Variants in RALGPS1 observed in about 807,000 individuals in gnomAD.
RALGPS1 encodes Ral GEF with PH domain and SH3 binding motif 1.
A neutral mutation model predicts 78.8 loss-of-function variants in RALGPS1; 19 were observed. That is an observed-to-expected ratio of 0.24 (90% CI 0.17 to 0.35). The LOEUF (loss-of-function observed/expected upper bound fraction) is 0.35. Among genes scored for constraint, RALGPS1 ranks in the 10% least tolerant of loss-of-function variants. The probability of loss-of-function intolerance (pLI) is 1.00; values close to 1 mark genes in which losing one functional copy is unlikely to be tolerated. For missense variants in RALGPS1, 454 were observed against 688.3 expected (o/e 0.66, Z 3.81); for synonymous variants, 228 against 256.3 (o/e 0.89, Z 1.06).
intron 11 of RALGPS1, among the ~76,000 whole-genome samples, chr9:127,182,330 CTGCCTTCCT>C: frequency 6.6e-6 from 1 of 150,742 alleles, no homozygotes; most frequent in South Asian, 2.1e-4. Context: ...TCCTTCCTTC[CTGCCTTCCT>C]TCCTTCCTTC....
intron 8 of RALGPS1, among the ~76,000 whole-genome samples, chr9:127,128,513 T>C (rs576096801): frequency 3.5e-4 from 53 of 152,334 alleles, no homozygotes; most frequent in African/African-American, 1.2e-3. Flanking sequence ...GGCCTGTGGC[T>C]GAGGAGCCAA....
chr9:126,970,311 A>T (rs1164806591), intron 3 of RALGPS1, among the ~76,000 whole-genome samples: 1 of 152,236 alleles, frequency 6.6e-6, no homozygotes, highest in African/African-American at 2.4e-5. Context: ...GTAGAGGAGA[A>T]AGCAGAATAA....
intron 3 of RALGPS1, among the ~76,000 whole-genome samples, chr9:126,975,519 T>G (rs1221802933): frequency 6.6e-6 from 1 of 152,118 alleles, no homozygotes; most frequent in Admixed American, 6.5e-5. Context: ...GCAGGGGAGA[T>G]TTCCAAGGTC....
At chr9:126,916,612 C>T (rs1240033592) in intron 1 of RALGPS1, among the ~76,000 whole-genome samples, 1 of 152,166 alleles carries the variant, frequency 6.6e-6, no homozygotes, top group Non-Finnish European at 1.5e-5. Context: ...GAAACCCCCT[C>T]TCTACTAAAA....
intron 14 of RALGPS1, among the ~76,000 whole-genome samples, chr9:127,207,499 AAAACAAAC>A (rs369601624): frequency 1.3e-5 from 2 of 152,188 alleles, no homozygotes; most frequent in African/African-American, 2.4e-5. Flanking sequence ...CAGTTACCAA[AAAACAAAC>A]AAACAAACAA....
intron 4 of RALGPS1, among the ~76,000 whole-genome samples, chr9:127,002,715 C>T (rs12337338): frequency 0.082 from 12,318 of 150,458 alleles, 1,684 homozygotes; most frequent in African/African-American, 0.28. Context: ...TTTGTTCTTG[C>T]GATAGTTTAC....
At chr9:127,110,593 G>A (rs1003667472) in intron 8 of RALGPS1, among the ~76,000 whole-genome samples, 2 of 152,050 alleles carry the variant, frequency 1.3e-5, no homozygotes, top group African/African-American at 4.8e-5. Flanking sequence ...ATTTCCACTT[G>A]ACTATCTGCT....
At chr9:127,070,728 TAAC>T (rs1263120997) in intron 8 of RALGPS1, among the ~76,000 whole-genome samples, 1 of 152,144 alleles carries the variant, frequency 6.6e-6, no homozygotes, top group African/African-American at 2.4e-5. Context: ...ATAATTCTAA[TAAC>T]AAGGGAAACC....
chr9:127,019,032 C>T (rs1196197699), intron 4 of RALGPS1, among the ~76,000 whole-genome samples: 1 of 152,190 alleles, frequency 6.6e-6, no homozygotes, highest in African/African-American at 2.4e-5. Context: ...TTTTTTAAAA[C>T]ATGGTATTTG....
intron 4 of RALGPS1, among the ~76,000 whole-genome samples, chr9:126,982,893 TCTCTTCTTTTC>T (rs2041410285): frequency 6.9e-6 from 1 of 144,374 alleles, no homozygotes; most frequent in African/African-American, 2.5e-5. Flanking sequence ...TTCCCCTTCT[TCTCTTCTTTTC>T]TTCTTCTTCT....
rs376004322 is a variant in RALGPS1 at position 127,206,879 on chromosome 9, G to A, written c.1248-5252G>A. ...AATTCTCATGATGCTGTTGGCTCAG[G>A]AAGTGCCCTGGCCACTTCCACCTCA... On this transcript the variant is annotated intron_variant, in intron 14 of 18. Transcript: ENST00000259351. 4.8e-4 allele frequency among the ~76,000 whole-genome samples: 73 copies of A among 152,164 alleles called. 3 individuals are homozygous for A. In the South Asian group the frequency reaches 0.015, roughly 32 times the overall value.
chr9:127,132,873 C>T (rs2057102846), intron 8 of RALGPS1, among the ~76,000 whole-genome samples: 1 of 152,234 alleles, frequency 6.6e-6, no homozygotes, highest in Admixed American at 6.5e-5. Flanking sequence ...TCTTCATCCT[C>T]ATCCTCACCC....
At chr9:126,958,142 A>AAAAAAAAAAATATATATATATAT (rs113413659) in intron 1 of RALGPS1, among the ~76,000 whole-genome samples, 1 of 77,102 alleles carries the variant, frequency 1.3e-5, no homozygotes, top group South Asian at 5.2e-4. Flanking sequence ...AAAAAAAAAA[A>AAAAAAAAAAATATATATATATAT]ATATATATAT....
chr9:127,093,898 C>T, intron 8 of RALGPS1: 1 of 1,614,022 alleles, frequency 6.2e-7, no homozygotes, highest in Non-Finnish European at 8.5e-7. Context: ...GGCCATCCTC[C>T]AGGGCCTGCA....
chr9:127,026,237 G>C (rs1044732455), intron 4 of RALGPS1, among the ~76,000 whole-genome samples: 14 of 152,136 alleles, frequency 9.2e-5, no homozygotes, highest in Non-Finnish European at 1.8e-4. Flanking sequence ...TAGGCTGGAG[G>C]GCTAGGCCAG....
chr9:127,212,542 TG>T lies in RALGPS1; in HGVS notation c.1354-82del. On this transcript the variant is annotated intron_variant, in intron 15 of 18. Transcript: ENST00000259351. This position sits in a 1 kb window ranked among gnomAD's most constrained non-coding sequence, Gnocchi z 6.0. ...GAGATGGGGCCTGCACTGGCATTGA[TG>T]GGATGGCTGGGTCTGTAATCGGCCA... The T allele has an allele frequency of 2.1e-6, 2 of 965,600 alleles. No homozygotes were observed. The highest frequency in any genetic ancestry group is 3.1e-6 in the Non-Finnish European group (2 of 643,596). The allele number at this position is 965,600 out of a possible 1,614,324, so 59.8% of individuals were successfully genotyped here.
chr9:127,135,088 G>A (rs1026243093), intron 8 of RALGPS1, among the ~76,000 whole-genome samples: 2 of 152,152 alleles, frequency 1.3e-5, no homozygotes, highest in Non-Finnish European at 2.9e-5. Context: ...ATAGACCTTC[G>A]GCCCACCAAG....
At chr9:126,997,052 T>C (rs974003552) in intron 4 of RALGPS1, among the ~76,000 whole-genome samples, 1 of 152,166 alleles carries the variant, frequency 6.6e-6, no homozygotes, top group African/African-American at 2.4e-5. Context: ...AAGAGCTATC[T>C]ATGACAACCC....
chr9:127,061,903 A>T lies in RALGPS1; in HGVS notation c.484-7327A>T, dbSNP rs2049244951. 2.0e-5 allele frequency among the ~76,000 whole-genome samples: 3 copies of T among 152,146 alleles called. No individual in the cohort carries two copies. In the South Asian group the frequency reaches 6.2e-4, roughly 32 times the overall value. ...AAACTTATATCAGGGGATCGATCTC[A>T]ACCTCCCAGCTCTCTACTCTTGGGT... On this transcript the variant is annotated intron_variant, in intron 7 of 18. Coordinates refer to ENST00000259351, the MANE Select transcript of RALGPS1 (RefSeq NM_014636.3).
Sources: gnomAD v4.1 joint callset for allele counts (sites outside exome capture counted in the v4.1 genomes callset) on GRCh38, gnomAD v4.1.1 for gene constraint, Gnocchi (gnomAD v3.1) non-coding constraint, MANE v1.5 for transcripts, NCBI Gene and HGNC (gene_info 2026-07-23, HGNC 2026-07-21) for gene names.